Variants in TRHDE observed in about 807,000 individuals in gnomAD.
TRHDE encodes thyrotropin releasing hormone degrading enzyme.
A neutral mutation model predicts 125.7 loss-of-function variants in TRHDE; 72 were observed. The ratio of observed to expected loss-of-function variants is 0.57; its 90% CI spans 0.47 to 0.70. The LOEUF is 0.70. Among genes scored for constraint, TRHDE ranks in the 30% least tolerant of loss-of-function variants. The pLI is 0.00. For missense variants in TRHDE, 1,110 were observed against 1,327.1 expected (o/e 0.84, Z 2.54); for synonymous variants, 509 against 509.1 (o/e 1.00, Z 0.00).
At chr12:72,164,652 C>G (rs1026378173) in intron 2 of TRHDE, among the ~76,000 whole-genome samples, 1 of 152,184 alleles carries the variant, frequency 6.6e-6, no homozygotes, top group Non-Finnish European at 1.5e-5. Flanking sequence ...GACAAGATAA[C>G]CACACGACCC....
rs565688884 is a variant in TRHDE at position 72,667,040 on chromosome 12, T to A, written c.*3845T>A. The A allele has an allele frequency of 1.3e-5, 2 of 151,970 alleles. No homozygotes were observed. Among genetic ancestry groups the A allele is most frequent in the South Asian group, 4.1e-4 (2 of 4,828 alleles). The allele number at this position is 151,970 out of a possible 1,614,324, so 9.4% of individuals were successfully genotyped here. A position where few individuals can be genotyped will look rare whatever the true frequency, so the allele number is the denominator to read the frequency against. On this transcript the variant is annotated 3_prime_UTR_variant, in exon 19 of 19. Coordinates refer to ENST00000261180, the MANE Select transcript of TRHDE (RefSeq NM_013381.3). Reference sequence around the variant, plus strand: ...TGCATCTCAATCAGTAAAAATAATATTCAGTAAAATGTCTATAAATCTATG... The same window carrying A: ...TGCATCTCAATCAGTAAAAATAATAATCAGTAAAATGTCTATAAATCTATG...
chr12:72,420,775 A>G (rs1873918738), intron 3 of TRHDE, among the ~76,000 whole-genome samples: 1 of 152,206 alleles, frequency 6.6e-6, no homozygotes, highest in Non-Finnish European at 1.5e-5. Context: ...CATCAAATGT[A>G]GGGAATATAT....
At chr12:72,213,436 T>C (rs1189725201) in intron 2 of TRHDE, among the ~76,000 whole-genome samples, 1 of 152,186 alleles carries the variant, frequency 6.6e-6, no homozygotes, top group African/African-American at 2.4e-5. Context: ...TCTTAAATGC[T>C]ACAATAAAGT....
At chr12:72,554,049 C>A (rs767352070) in intron 7 of TRHDE, among the ~76,000 whole-genome samples, 1 of 151,520 alleles carries the variant, frequency 6.6e-6, no homozygotes, top group Non-Finnish European at 1.5e-5. Context: ...GGTTTCACCA[C>A]GTTGGCCAGG....
chr12:72,577,679 A>G (rs544850359), intron 12 of TRHDE, among the ~76,000 whole-genome samples: 1 of 152,324 alleles, frequency 6.6e-6, no homozygotes, highest in South Asian at 2.1e-4. Flanking sequence ...ATTAAATGAT[A>G]TAAGTTATTT....
At chr12:72,332,329 C>T (rs1365639376) in intron 2 of TRHDE, among the ~76,000 whole-genome samples, 3 of 152,218 alleles carry the variant, frequency 2.0e-5, no homozygotes, top group African/African-American at 4.8e-5. Flanking sequence ...TTAGTAGAGA[C>T]GGGGTTTCAC....
chr12:72,132,278 GA>G (rs56228884), intron 2 of TRHDE, among the ~76,000 whole-genome samples: 1 of 151,980 alleles, frequency 6.6e-6, no homozygotes, highest in Non-Finnish European at 1.5e-5. Flanking sequence ...AACAGCACTT[GA>G]AAAAAAGAGC....
chr12:72,569,859 T>C (rs1440881074), intron 10 of TRHDE, among the ~76,000 whole-genome samples: 2 of 152,202 alleles, frequency 1.3e-5, no homozygotes, highest in African/African-American at 2.4e-5. Context: ...CTGGAATTAG[T>C]ATTTATATTG....
intron 18 of TRHDE, among the ~76,000 whole-genome samples, chr12:72,658,929 G>A (rs970833247): frequency 2.0e-5 from 3 of 152,110 alleles, no homozygotes. Flanking sequence ...GTCAGATGGG[G>A]TGGGGGTTTT....
intron 2 of TRHDE, among the ~76,000 whole-genome samples, chr12:72,142,168 A>G (rs771116126): frequency 1.1e-4 from 17 of 152,252 alleles, no homozygotes; most frequent in Non-Finnish European, 2.1e-4. Flanking sequence ...AGGACACTGC[A>G]TATGTGGGAA....
At chr12:72,316,359 C>A (rs1380026381) in intron 2 of TRHDE, among the ~76,000 whole-genome samples, 3 of 152,076 alleles carry the variant, frequency 2.0e-5, no homozygotes, top group Non-Finnish European at 2.9e-5. Context: ...AGCCTGGAAG[C>A]AACATAGGGT....
intron 2 of TRHDE, among the ~76,000 whole-genome samples, chr12:72,166,547 T>A (rs1876753162): frequency 6.6e-6 from 1 of 152,188 alleles, no homozygotes; most frequent in Admixed American, 6.5e-5. Context: ...AGTGTCTGAT[T>A]CACCAAGTCA....
intron 2 of TRHDE, among the ~76,000 whole-genome samples, chr12:72,359,664 G>T (rs1403405435): frequency 1.3e-5 from 2 of 151,604 alleles, no homozygotes; most frequent in African/African-American, 2.4e-5. Context: ...ATAATCAAGA[G>T]ATATTATTCC....
At chr12:72,176,702 ATTAAC>A (rs1323384265) in intron 2 of TRHDE, among the ~76,000 whole-genome samples, 1 of 152,224 alleles carries the variant, frequency 6.6e-6, no homozygotes, top group Non-Finnish European at 1.5e-5. Flanking sequence ...AAAAGTGGTT[ATTAAC>A]TTGTTTGAAA....
chr12:72,297,417 A>G (rs966663125), intron 2 of TRHDE, among the ~76,000 whole-genome samples: 1 of 152,130 alleles, frequency 6.6e-6, no homozygotes, highest in Non-Finnish European at 1.5e-5. Context: ...TGTTATTGCA[A>G]AATTGGGTGG....
chr12:72,313,973 C>A (rs1868668513), intron 2 of TRHDE, among the ~76,000 whole-genome samples: 1 of 152,192 alleles, frequency 6.6e-6, no homozygotes, highest in African/African-American at 2.4e-5. Context: ...CTTTGCATCA[C>A]TCCCACAGGA....
At chr12:72,483,786 A>G (rs1398172503) in intron 5 of TRHDE, among the ~76,000 whole-genome samples, 1 of 152,030 alleles carries the variant, frequency 6.6e-6, no homozygotes, top group Admixed American at 6.6e-5. Flanking sequence ...AAATATAAAG[A>G]CTTCTTATTA....
At chr12:72,440,457 A>AT (rs530490540) in intron 3 of TRHDE, among the ~76,000 whole-genome samples, 4 of 151,202 alleles carry the variant, frequency 2.6e-5, no homozygotes, top group Non-Finnish European at 4.4e-5. Context: ...GGCATCTGAG[A>AT]TTTTTTTTTG....
intron 12 of TRHDE, among the ~76,000 whole-genome samples, chr12:72,616,560 T>C (rs1401963738): frequency 6.6e-6 from 1 of 152,090 alleles, no homozygotes. Flanking sequence ...GTCATCGTTT[T>C]TATTTGCAGG....
Sources: gnomAD v4.1 joint callset for allele counts (sites outside exome capture counted in the v4.1 genomes callset) on GRCh38, gnomAD v4.1.1 for gene constraint, MANE v1.5 for transcripts, NCBI Gene and HGNC (gene_info 2026-07-23, HGNC 2026-07-21) for gene names.